MAP4K4: variants seen among roughly 807,000 people sequenced by gnomAD.
The protein encoded by MAP4K4 is HPK/GCK-like kinase HGK.
A neutral mutation model predicts 189.6 loss-of-function variants in MAP4K4; 38 were observed. That is an observed-to-expected ratio of 0.20 (90% confidence interval 0.15 to 0.26). The LOEUF is 0.26. Among genes scored for constraint, MAP4K4 ranks in the 10% least tolerant of loss-of-function variants. The pLI, the probability that MAP4K4 is intolerant of heterozygous loss-of-function variation, is 1.00. For synonymous variants in MAP4K4, 610 were observed against 624.3 expected, an observed-to-expected ratio of 0.98 and a Z score of 0.34; for missense variants, 1,054 against 1,726.9, an observed-to-expected ratio of 0.61 and a Z score of 6.91.
intron 2 of MAP4K4, among the ~76,000 whole-genome samples, chr2:101,751,022 G>A (rs1326958254): frequency 6.6e-6 from 1 of 152,150 alleles, no homozygotes; most frequent in Admixed American, 6.5e-5. Context: ...GCACAACACT[G>A]ATACCTGCCA....
In MAP4K4 at chr2:101,855,960, C is replaced by T; in HGVS notation, c.1234-17C>T. 1 of 1,541,458 alleles carries T rather than the reference C, an allele frequency of 6.5e-7. No homozygotes were observed. The highest frequency in any genetic ancestry group is 8.7e-7 in the Non-Finnish European group (1 of 1,144,006). ...GGCGGGAAGATCCCTGGTAATTATA[C>T]ATTTTTACTTACGTAGCAACAAAGG... On this transcript the variant is annotated splice_polypyrimidine_tract_variant and intron_variant, in intron 12 of 32. Coordinates refer to ENST00000324219, the Ensembl canonical transcript of MAP4K4.
intron 2 of MAP4K4, among the ~76,000 whole-genome samples, chr2:101,784,401 T>C (rs1363675275): frequency 6.6e-6 from 1 of 152,106 alleles, no homozygotes; most frequent in Admixed American, 6.6e-5. Context: ...GAGCACTGGT[T>C]AAAGGTAGTC....
intron 2 of MAP4K4, among the ~76,000 whole-genome samples, chr2:101,726,471 CTA>C (rs2055433078): frequency 6.6e-6 from 1 of 152,116 alleles, no homozygotes; most frequent in East Asian, 1.9e-4. Context: ...TTATTGTTGA[CTA>C]AAGGTCCATT....
At chr2:101,879,362 G>C (rs1464725636) in intron 27 of MAP4K4, among the ~76,000 whole-genome samples, 1 of 148,244 alleles carries the variant, frequency 6.7e-6, no homozygotes, top group East Asian at 2.0e-4. Flanking sequence ...TTCAAAAATA[G>C]AAGAAACTTA....
rs757368350 is a variant in MAP4K4 at position 101,803,269 on chromosome 2, ATGTGTGTGTGTGTT to A, written c.180+12505_180+12518del. On this transcript the variant is annotated intron_variant, in intron 3 of 32. Transcript: ENST00000324219. ...GATGTGTGTGTGTGTGTGTGTATGT[ATGTGTGTGTGTGTT>A]TGTGTGTGTGTCTGTCTGTGTCTGT... Among the ~76,000 whole-genome samples, 505 of 83,382 alleles carry A rather than the reference ATGTGTGTGTGTGTT, an allele frequency of 6.1e-3. 4 individuals carry two copies. The highest frequency in any genetic ancestry group is 0.01 in the Admixed American group (80 of 7,926). The allele number at this position is 83,382 out of a possible 152,430, so 54.7% of individuals were successfully genotyped here. A position where few individuals can be genotyped will look rare whatever the true frequency, so the allele number is the denominator to read the frequency against.
At chr2:101,796,229 G>T (rs986007986) in intron 3 of MAP4K4, among the ~76,000 whole-genome samples, 1 of 152,176 alleles carries the variant, frequency 6.6e-6, no homozygotes, top group East Asian at 1.9e-4. Flanking sequence ...TTCTCAAAAT[G>T]TAGCTATTGG....
intron 2 of MAP4K4, among the ~76,000 whole-genome samples, chr2:101,786,723 C>T (rs981295516): frequency 6.6e-6 from 1 of 152,172 alleles, no homozygotes; most frequent in African/African-American, 2.4e-5. Context: ...GATCCTGCTG[C>T]CATTGTATCG....
intron 2 of MAP4K4, among the ~76,000 whole-genome samples, chr2:101,790,352 T>C (rs2092655497): frequency 6.6e-6 from 1 of 152,062 alleles, no homozygotes; most frequent in Non-Finnish European, 1.5e-5. Flanking sequence ...TGAGATAGTG[T>C]TATGTAAATT....
chr2:101,698,533 T>C (rs755352398), exon 2 of MAP4K4: 2 of 1,613,804 alleles, frequency 1.2e-6, no homozygotes, highest in Non-Finnish European at 1.7e-6. Context: ...TGGACAAGTC[T>C]ATAAGGTCGG....
At chr2:101,869,795 A>G in exon 22 of MAP4K4, 1 of 1,554,230 alleles carries the variant, frequency 6.4e-7, no homozygotes, top group Admixed American at 2.0e-5. Flanking sequence ...ACACCAGAGC[A>G]GCGTCAGTCC....
chr2:101,770,351 T>A (rs995749811), intron 2 of MAP4K4, among the ~76,000 whole-genome samples: 7 of 148,596 alleles, frequency 4.7e-5, no homozygotes, highest in African/African-American at 1.7e-4. Context: ...CGAGTTCAAG[T>A]GATTCTCCTG....
chr2:101,793,126 A>T (rs1241418797), intron 3 of MAP4K4, among the ~76,000 whole-genome samples: 2 of 152,214 alleles, frequency 1.3e-5, no homozygotes, highest in African/African-American at 4.8e-5. Flanking sequence ...GCATGATATA[A>T]GTAGTTTTGG....
At chr2:101,822,787 A>G (rs2096146463) in intron 3 of MAP4K4, among the ~76,000 whole-genome samples, 1 of 152,152 alleles carries the variant, frequency 6.6e-6, no homozygotes, top group African/African-American at 2.4e-5. Context: ...TGTGAGTGGA[A>G]TGATTGTGTC....
chr2:101,785,204 C>T (rs1463863374), intron 2 of MAP4K4, among the ~76,000 whole-genome samples: 1 of 152,210 alleles, frequency 6.6e-6, no homozygotes, highest in Admixed American at 6.5e-5. Flanking sequence ...TTTTCCTTCT[C>T]TCCTATTCTT....
intron 2 of MAP4K4, among the ~76,000 whole-genome samples, chr2:101,742,257 C>G (rs1158560434): frequency 6.6e-6 from 1 of 152,214 alleles, no homozygotes; most frequent in Non-Finnish European, 1.5e-5. Flanking sequence ...CAGGCAGGTA[C>G]AGGCAGGTTC....
Position 101,887,745 on chromosome 2 carries a change from C to T in MAP4K4, c.3772-33C>T, listed in dbSNP as rs771841563. On this transcript the variant is annotated intron_variant, in intron 30 of 32. Coordinates refer to ENST00000324219, the Ensembl canonical transcript of MAP4K4. ...GCACAGGGCTGGAAATAACCACAGA[C>T]GTTCTTCCCTGTACTTTGTTCCTGT... 34 of 1,564,664 alleles carry T rather than the reference C, an allele frequency of 2.2e-5. No individual in the cohort carries two copies. In the African/African-American group the frequency reaches 2.3e-4, roughly 11 times the overall value.
chr2:101,787,830 G>C (rs185991061), intron 2 of MAP4K4, among the ~76,000 whole-genome samples: 2 of 138,478 alleles, frequency 1.4e-5, no homozygotes, highest in East Asian at 4.3e-4. Context: ...TTGAGACAGA[G>C]TCTCGCTCTG....
chr2:101,698,639 G>A lies in MAP4K4; in HGVS notation c.123+101G>A, dbSNP rs2036085296. 3.5e-6 allele frequency: 4 copies of A among 1,146,498 alleles called. No individual in the cohort carries two copies. The South Asian group carries it at 5.2e-5, about 15-fold the overall frequency. The allele number at this position is 1,146,498 out of a possible 1,614,324, so 71.0% of individuals were successfully genotyped here. On this transcript the variant is annotated intron_variant, in intron 2 of 32. Coordinates refer to ENST00000324219, the Ensembl canonical transcript of MAP4K4. ...CATGCTGCTGACTGGAGGCCACGCC[G>A]CTTGGCCAAAGTTGGGAGAGGGGTT...
At chr2:101,825,161 A>G (rs1321940872) in intron 4 of MAP4K4, among the ~76,000 whole-genome samples, 158 bp from the exon 5 acceptor site, 3 of 152,170 alleles carry the variant, frequency 2.0e-5, no homozygotes, top group African/African-American at 7.2e-5. Flanking sequence ...TGGACTATGA[A>G]ATGAGCTTTC....
Sources: gnomAD v4.1 joint callset for allele counts (sites outside exome capture counted in the v4.1 genomes callset) on GRCh38, gnomAD v4.1.1 for gene constraint, MANE v1.5 for transcripts, NCBI Gene and HGNC (gene_info 2026-07-23, HGNC 2026-07-21) for gene names.